Variants in TSC22D1 observed in about 807,000 individuals in gnomAD.
TSC22D1 encodes the protein TSC22 domain family protein 1.
In TSC22D1, 9 loss-of-function variants were observed where a neutral mutation model predicts 74.2. The ratio of observed to expected loss-of-function variants is 0.12; its 90% CI spans 0.07 to 0.21. The LOEUF is 0.21. Among genes scored for constraint, TSC22D1 ranks in the 10% least tolerant of loss-of-function variants. TSC22D1 has a pLI of 1.00. For missense variants in TSC22D1, 1,427 were observed against 1,304.7 expected, an observed-to-expected ratio of 1.09 and a Z score of -1.44; for synonymous variants, 586 against 492.5, an observed-to-expected ratio of 1.19 and a Z score of -2.51.
At chr13:44,464,564 T>G (rs1877165026) in intron 1 of TSC22D1, among the ~76,000 whole-genome samples, 1 of 152,128 alleles carries the variant, frequency 6.6e-6, no homozygotes, top group African/African-American at 2.4e-5. Flanking sequence ...ATCAATTAAG[T>G]GATTAGTAAA....
chr13:44,499,755 C>A (rs745451190), intron 1 of TSC22D1, among the ~76,000 whole-genome samples: 1 of 152,128 alleles, frequency 6.6e-6, no homozygotes, highest in Non-Finnish European at 1.5e-5. Context: ...TTTGGGATCA[C>A]TTTATTATTA....
intron 1 of TSC22D1, among the ~76,000 whole-genome samples, chr13:44,568,188 A>G (rs181388849): frequency 3.9e-5 from 6 of 152,326 alleles, no homozygotes; most frequent in Admixed American, 2.6e-4. Context: ...GAATAAAGAC[A>G]CTAGTCTCTG....
intron 1 of TSC22D1, among the ~76,000 whole-genome samples, chr13:44,461,437 T>C (rs1408790555): frequency 2.0e-5 from 3 of 152,194 alleles, no homozygotes; most frequent in African/African-American, 7.2e-5. Flanking sequence ...CTTAGGTATA[T>C]GGCAGGTACC....
chr13:44,443,079 A>G (rs949225643), intron 1 of TSC22D1, among the ~76,000 whole-genome samples: 2 of 151,878 alleles, frequency 1.3e-5, no homozygotes, highest in Non-Finnish European at 2.9e-5. Flanking sequence ...TTTTCCTCAC[A>G]TTTTACTAAA....
intron 1 of TSC22D1, among the ~76,000 whole-genome samples, chr13:44,469,526 A>C (rs774101918): frequency 3.3e-5 from 5 of 152,198 alleles, no homozygotes; most frequent in Non-Finnish European, 7.3e-5. Context: ...TCTTTCTGGT[A>C]ATCTTGAAGT....
intron 1 of TSC22D1, among the ~76,000 whole-genome samples, chr13:44,477,315 C>T (rs1247884940): frequency 1.3e-5 from 2 of 152,144 alleles, no homozygotes. Context: ...CTATCCTAGT[C>T]ACTGATTGAT....
intron 1 of TSC22D1, among the ~76,000 whole-genome samples, chr13:44,503,125 TAG>T (rs1041907636): frequency 2.6e-5 from 4 of 152,188 alleles, no homozygotes; most frequent in Admixed American, 1.3e-4. Context: ...CATCAGTTGT[TAG>T]AGACATGCTA....
At chr13:44,456,393 G>A (rs1876648621) in intron 1 of TSC22D1, among the ~76,000 whole-genome samples, 1 of 152,150 alleles carries the variant, frequency 6.6e-6, no homozygotes, top group African/African-American at 2.4e-5. Context: ...ACAGAGTGCT[G>A]ATTGGTGCGT....
chr13:44,525,337 A>T (rs1451491268), intron 1 of TSC22D1, among the ~76,000 whole-genome samples: 1 of 152,226 alleles, frequency 6.6e-6, no homozygotes, highest in African/African-American at 2.4e-5. Context: ...CTGTAATCAC[A>T]GCACTTTGGG....
At chr13:44,562,885 C>T (rs1318588561) in intron 1 of TSC22D1, among the ~76,000 whole-genome samples, 2 of 152,126 alleles carry the variant, frequency 1.3e-5, no homozygotes, top group Non-Finnish European at 2.9e-5. Context: ...GTGGGTGGAT[C>T]ACCTGAGGTC....
intron 1 of TSC22D1, among the ~76,000 whole-genome samples, chr13:44,475,529 C>G (rs916807426): frequency 6.9e-6 from 1 of 144,654 alleles, no homozygotes. Flanking sequence ...AAATAGAAAA[C>G]AAGCATATAT....
intron 1 of TSC22D1, among the ~76,000 whole-genome samples, chr13:44,492,627 C>T (rs1033397810): frequency 1.3e-5 from 2 of 151,902 alleles, no homozygotes; most frequent in Non-Finnish European, 2.9e-5. Context: ...TTTTAAAACG[C>T]AGAAATATAA....
chr13:44,545,986 A>T (rs906353794), intron 1 of TSC22D1, among the ~76,000 whole-genome samples: 5 of 151,796 alleles, frequency 3.3e-5, no homozygotes, highest in African/African-American at 1.2e-4. Context: ...CAAAAAAAAA[A>T]ATAAATAAAT....
chr13:44,499,127 C>T (rs1879108678), intron 1 of TSC22D1, among the ~76,000 whole-genome samples: 1 of 152,206 alleles, frequency 6.6e-6, no homozygotes, highest in Non-Finnish European at 1.5e-5. Flanking sequence ...CATAGTTATA[C>T]TCACTCCTGT....
At chr13:44,529,937 G>T (rs1349144707) in intron 1 of TSC22D1, among the ~76,000 whole-genome samples, 1 of 152,012 alleles carries the variant, frequency 6.6e-6, no homozygotes, top group Non-Finnish European at 1.5e-5. Context: ...CTGAAAAAAT[G>T]GAGAGATATT....
chr13:44,536,691 A>G (rs1468981181), intron 1 of TSC22D1: 1 of 960,480 alleles, frequency 1.0e-6, no homozygotes, highest in Non-Finnish European at 1.2e-6. Context: ...TCTAGCATTA[A>G]AAGACTTGGT....
In TSC22D1 at chr13:44,575,801, G is replaced by T; in HGVS notation, c.274C>A (p.Gln92Lys). Residue 92 changes from glutamine to lysine, a missense_variant, in exon 1 of 3, where the codon CAG becomes AAG. Physicochemically the swap from Gln to Lys is moderately conservative, Grantham distance 53. Transcript: ENST00000458659. ...GGCGCAAGAGGCTGTGCCTGCAGCT[G>T]AGCCTGCGAAAGGAGGTTCAGGCTT... ...PQSLNLLSQA[Q>K]LQAQPLAPGG... 6.2e-7 allele frequency: 1 copy of T among 1,613,662 alleles called. No individual in the cohort carries two copies. Among genetic ancestry groups the T allele is most frequent in the Non-Finnish European group, 8.5e-7 (1 of 1,179,904 alleles).
chr13:44,508,589 A>G (rs1003939129), intron 1 of TSC22D1, among the ~76,000 whole-genome samples: 15 of 152,142 alleles, frequency 9.9e-5, no homozygotes, highest in African/African-American at 3.6e-4. Context: ...AGCCAGGATG[A>G]TTTTTTTAAA....
intron 1 of TSC22D1, among the ~76,000 whole-genome samples, chr13:44,529,846 G>C (rs886103529): frequency 6.6e-6 from 1 of 151,700 alleles, no homozygotes; most frequent in Admixed American, 6.6e-5. Context: ...TAAACACTTT[G>C]GTATAAATCT....
Sources: gnomAD v4.1 joint callset for allele counts (sites outside exome capture counted in the v4.1 genomes callset) on GRCh38, gnomAD v4.1.1 for gene constraint, MANE v1.5 for transcripts, NCBI Gene and HGNC (gene_info 2026-07-23, HGNC 2026-07-21) for gene names.